SLC4A3: variants seen among roughly 807,000 people sequenced by gnomAD.
SLC4A3 encodes the protein anion exchange protein 3.
A neutral mutation model predicts 114.2 loss-of-function variants in SLC4A3; 47 were observed. The observed-to-expected ratio is 0.41, with a 90% confidence interval of 0.33 to 0.52. SLC4A3 has a LOEUF of 0.52. Ranked by LOEUF, SLC4A3 falls within the 20% of genes least tolerant of loss-of-function variation. The probability of loss-of-function intolerance (pLI) is 0.21; values close to 1 mark genes in which losing one functional copy is unlikely to be tolerated. For synonymous variants in SLC4A3, 693 were observed against 710.3 expected (o/e 0.98, Z 0.39); for missense variants, 1,312 against 1,668.3 (o/e 0.79, Z 3.72).
In SLC4A3 at chr2:219,638,053, G is replaced by C. The variant is rs1237813312; in HGVS notation, c.2767-111G>C. 1 of 888,302 alleles carries C rather than the reference G, an allele frequency of 1.1e-6. No homozygotes were observed. Among genetic ancestry groups the C allele is most frequent in the African/African-American group, 1.7e-5 (1 of 60,556 alleles). The allele number at this position is 888,302 out of a possible 1,614,324, so 55.0% of individuals were successfully genotyped here. On this transcript the variant is annotated intron_variant, in intron 17 of 22. Transcript: ENST00000358055. The surrounding 1 kb of genome is among the most constrained non-coding windows in gnomAD (Gnocchi z 7.5). ...TGTGGGGTTGAGAGGCACGTGGGGG[G>C]CCTTCTGGCTCCAGCTTGGACCCAG...
At position 219,635,298 on chromosome 2, in the gene SLC4A3, G is replaced by C; in HGVS notation, c.1774G>C (p.Asp592His). 6.2e-7 allele frequency: 1 copy of C among 1,614,144 alleles called. No individual in the cohort carries two copies. Among genetic ancestry groups the C allele is most frequent in the South Asian group, 1.1e-5 (1 of 91,080 alleles). Residue 592 changes from aspartate to histidine, a missense_variant, in exon 13 of 23, where the codon GAT (aspartate) becomes CAT (histidine). This residue lies in a region of SLC4A3 where 771 missense variants were observed against 977.7 expected (regional missense o/e 0.79). Transcript: ENST00000358055. The part of the protein sequence containing the change: ...KLFHEAAYQA[D>H]DRQDLLSAIS... ...GTTTCATGAGGCTGCCTACCAGGCA[G>C]ATGACCGGCAAGACCTCCTAAGTGC...
At position 219,640,816 on chromosome 2, in the gene SLC4A3, A is replaced by G; in HGVS notation, c.3475A>G (p.Thr1159Ala). 1 of 1,611,946 alleles carries G rather than the reference A, an allele frequency of 6.2e-7. No individual in the cohort carries two copies. The highest frequency in any genetic ancestry group is 8.5e-7 in the Non-Finnish European group (1 of 1,179,896). ...GAAGACGTGGCGGATGCATCTGTTCACCTGCATCCAGCTGGGCTGCATCGC... is the reference window on the plus strand; with the variant it reads ...GAAGACGTGGCGGATGCATCTGTTCGCCTGCATCCAGCTGGGCTGCATCGC... Reference protein sequence around the residue: ...KVKTWRMHLFTCIQLGCIALL... With the variant: ...KVKTWRMHLFACIQLGCIALL... The change falls in exon 22 of 23, where the codon ACC (threonine) becomes GCC (alanine). Residue 1159 changes from threonine to alanine, a missense_variant. Physicochemically the swap from Thr to Ala is moderately conservative, Grantham distance 58. This residue lies in a region of SLC4A3 where 301 missense variants were observed against 460.7 expected (regional missense o/e 0.65). Coordinates refer to ENST00000358055, the MANE Select transcript of SLC4A3 (RefSeq NM_005070.4).
In SLC4A3 at chr2:219,639,101, G is replaced by A. The variant is rs895687500; in HGVS notation, c.3023+232G>A. On this transcript the variant is annotated intron_variant, in intron 19 of 22. Transcript: ENST00000358055. The surrounding 1 kb of genome is among the most constrained non-coding windows in gnomAD (Gnocchi z 5.9). ...TCCGGGGCAGGGGCATGGTTTCCCC[G>A]TGATGGTTTGACATGACATCTATCT... Among the ~76,000 whole-genome samples the A allele has an allele frequency of 2.0e-5, 3 of 152,118 alleles. No homozygotes were observed. Among genetic ancestry groups the A allele is most frequent in the Non-Finnish European group, 4.4e-5 (3 of 68,022 alleles).
Position 219,627,753 on chromosome 2 carries a change from G to GGGGCGGGGCACGCC in SLC4A3, c.-94+13_-94+26dup, listed in dbSNP as rs1211601461. ...AGGCTCCGGAGCCCCGAGGTACCGC[G>GGGGCGGGGCACGCC]GGGCGGGGCACGCCGGGCAGGGCGG... On this transcript the variant is annotated intron_variant, in intron 1 of 22. Coordinates refer to ENST00000358055, the MANE Select transcript of SLC4A3 (RefSeq NM_005070.4). 3 of 323,320 alleles carry GGGGCGGGGCACGCC rather than the reference G, an allele frequency of 9.3e-6. No individual in the cohort carries two copies. The highest frequency in any genetic ancestry group is 5.6e-6 in the Non-Finnish European group (1 of 178,568). The allele number at this position is 323,320 out of a possible 1,614,324, so 20.0% of individuals were successfully genotyped here.
In SLC4A3 at chr2:219,641,012, G is replaced by A; in HGVS notation, c.3621+50G>A. ...ACAGTGTTAGGGCAAATGGGCACTG[G>A]GTTCCAATCTCTGTTTGGCCACCCA... On this transcript the variant is annotated intron_variant, in intron 22 of 22. Coordinates refer to ENST00000358055, the MANE Select transcript of SLC4A3 (RefSeq NM_005070.4). This position sits in a 1 kb window ranked among gnomAD's most constrained non-coding sequence, Gnocchi z 4.0. 6.5e-7 allele frequency: 1 copy of A among 1,547,726 alleles called. No homozygotes were observed. The highest frequency in any genetic ancestry group is 8.7e-7 in the Non-Finnish European group (1 of 1,143,364).
chr2:219,628,063 G>T lies in SLC4A3; in HGVS notation c.51+20G>T. 6.5e-7 allele frequency: 1 copy of T among 1,541,538 alleles called. No homozygotes were observed. The highest frequency in any genetic ancestry group is 8.7e-7 in the Non-Finnish European group (1 of 1,145,256). ...CCCCAGGTGATCGGCGCGCGCGGGG[G>T]CGGGGGAGAGATGGGGGAGGAGAGG... is the stretch of plus-strand genomic sequence containing the variant. On this transcript the variant is annotated intron_variant, in intron 2 of 22. Coordinates refer to ENST00000358055, the MANE Select transcript of SLC4A3 (RefSeq NM_005070.4). The surrounding 1 kb of genome is among the most constrained non-coding windows in gnomAD (Gnocchi z 4.8).
At chr2:219,632,807 C>T in intron 8 of SLC4A3, 67 bp from the exon 9 acceptor site, 1 of 1,592,800 alleles carries the variant, frequency 6.3e-7, no homozygotes, top group Non-Finnish European at 8.6e-7. Flanking sequence ...GGGGGCAAGG[C>T]AGAGTGGGAG....
chr2:219,628,135 AC>A lies in SLC4A3; in HGVS notation c.51+98del. 1.5e-5 allele frequency: 16 copies of A among 1,074,334 alleles called. No individual in the cohort carries two copies. Among genetic ancestry groups the A allele is most frequent in the Admixed American group, 3.1e-5 (1 of 32,342 alleles). 66.6% of individuals were successfully genotyped at this position (1,074,334 alleles called of 1,614,324 possible). A position where few individuals can be genotyped will look rare whatever the true frequency, so the allele number is the denominator to read the frequency against. On this transcript the variant is annotated intron_variant, in intron 2 of 22. Coordinates refer to ENST00000358055, the MANE Select transcript of SLC4A3 (RefSeq NM_005070.4). The surrounding 1 kb of genome is among the most constrained non-coding windows in gnomAD (Gnocchi z 4.8). ...GAGGAGTCCTCTGGCCGACCCCGGG[AC>A]CCCCCAGATCCAGGGATGAGCTGGG...
Position 219,638,822 on chromosome 2 carries a change from C to T in SLC4A3, c.2976C>T (p.Pro992=), listed in dbSNP as rs371843231. 9.0e-5 allele frequency: 145 copies of T among 1,614,134 alleles called. 2 individuals carry two copies. The highest frequency in any genetic ancestry group is 7.2e-4 in the South Asian group (66 of 91,080). Residue 992 remains proline (P), a synonymous_variant, in exon 19 of 23, where the codon CCC becomes CCT. Transcript: ENST00000358055. The surrounding 1 kb of genome is among the most constrained non-coding windows in gnomAD (Gnocchi z 7.5). ...GGATGATGGTGGCAGCCGCTGTTCC[C>T]GCCCTCCTCGTCCTCATCCTGATCT... ...PPWMMVAAAV[P]ALLVLILIFM...
chr2:219,628,405 G>T lies in SLC4A3; in HGVS notation c.52G>T (p.Val18Phe). Residue 18 changes from valine (V) to phenylalanine (F), a missense_variant and splice_region_variant, in exon 3 of 23, where the codon GTC becomes TTC. This residue lies in a region of SLC4A3 where 236 missense variants were observed against 212.1 expected (regional missense o/e 1.11). Coordinates refer to ENST00000358055, the MANE Select transcript of SLC4A3 (RefSeq NM_005070.4). The surrounding 1 kb of genome is among the most constrained non-coding windows in gnomAD (Gnocchi z 4.8). Reference sequence around the variant, plus strand: ...TAGCAGAGGCCGTCTGGGCCTGCAGGTCCGGGTGCCCTTGGAGGAGCCCCC... The same window carrying T: ...TAGCAGAGGCCGTCTGGGCCTGCAGTTCCGGGTGCCCTTGGAGGAGCCCCC... ...PPGGASPLPQ[V>F]RVPLEEPPLS... 1 of 1,609,590 alleles carries T rather than the reference G, an allele frequency of 6.2e-7. No homozygotes were observed. The highest frequency in any genetic ancestry group is 8.5e-7 in the Non-Finnish European group (1 of 1,178,424).
chr2:219,640,345 G>T, intron 20 of SLC4A3, 85 bp from the exon 21 acceptor site: 1 of 1,485,620 alleles, frequency 6.7e-7, no homozygotes. Context: ...CTGAGGGTCA[G>T]GCAGATCTGT....
Position 219,631,190 on chromosome 2 carries a change from C to A in SLC4A3, c.812-778C>A, listed in dbSNP as rs1480166658. The A allele has an allele frequency of 1.7e-6, 2 of 1,200,588 alleles. No homozygotes were observed. Among genetic ancestry groups the A allele is most frequent in the Non-Finnish European group, 2.1e-6 (2 of 937,604 alleles). The allele number at this position is 1,200,588 out of a possible 1,614,324, so 74.4% of individuals were successfully genotyped here. ...TCCAGGCTCCCACCTTGTAGGAGAG[C>A]CGAGGGGTCTGGTAGGGAGCGGAGG... On this transcript the variant is annotated intron_variant, in intron 6 of 22. Coordinates refer to ENST00000358055, the MANE Select transcript of SLC4A3 (RefSeq NM_005070.4). This position sits in a 1 kb window ranked among gnomAD's most constrained non-coding sequence, Gnocchi z 6.3.
rs1217861148 is a variant in SLC4A3 at position 219,628,736 on chromosome 2, C to G, written c.217+166C>G. On this transcript the variant is annotated intron_variant, in intron 3 of 22. Coordinates refer to ENST00000358055, the MANE Select transcript of SLC4A3 (RefSeq NM_005070.4). This position sits in a 1 kb window ranked among gnomAD's most constrained non-coding sequence, Gnocchi z 4.8. ...GCCGTGTTCAGTCATCCTGCCTCCCCCACCCATCGCCTGTCCGCCTGCCTG... is the reference window on the plus strand; with the variant it reads ...GCCGTGTTCAGTCATCCTGCCTCCCGCACCCATCGCCTGTCCGCCTGCCTG... The G allele has an allele frequency of 2.7e-6, 2 of 744,236 alleles. No individual in the cohort carries two copies. The highest frequency in any genetic ancestry group is 4.3e-6 in the Non-Finnish European group (2 of 467,110). The allele number at this position is 744,236 out of a possible 1,614,324, so 46.1% of individuals were successfully genotyped here.
chr2:219,630,802 G>C lies in SLC4A3; in HGVS notation c.811+450G>C, dbSNP rs1294851755. Among the ~76,000 whole-genome samples the C allele has an allele frequency of 6.6e-6, 1 of 152,018 alleles. No homozygotes were observed. Among genetic ancestry groups the C allele is most frequent in the Non-Finnish European group, 1.5e-5 (1 of 68,006 alleles). Reference sequence around the variant, plus strand: ...TTGGGGGGGGCCTGGCTGTGATCTCGGCACATTCCTTCCATCTTATCAGTG... The same window carrying C: ...TTGGGGGGGGCCTGGCTGTGATCTCCGCACATTCCTTCCATCTTATCAGTG... On this transcript the variant is annotated intron_variant, in intron 6 of 22. Coordinates refer to ENST00000358055, the MANE Select transcript of SLC4A3 (RefSeq NM_005070.4). The surrounding 1 kb of genome is among the most constrained non-coding windows in gnomAD (Gnocchi z 6.9).
Position 219,638,284 on chromosome 2 carries a change from GTCAC to G in SLC4A3, c.2856+32_2856+35del. 6.6e-7 allele frequency: 1 copy of G among 1,520,620 alleles called. No homozygotes were observed. The allele number at this position is 1,520,620 out of a possible 1,614,324, so 94.2% of individuals were successfully genotyped here. ...GGAGCCCCAGCCTGTGGCAGCTGCT[GTCAC>G]CCCCAGGCCAGGAGAGGGAGCCCAC... On this transcript the variant is annotated intron_variant, in intron 18 of 22. Transcript: ENST00000358055. The surrounding 1 kb of genome is among the most constrained non-coding windows in gnomAD (Gnocchi z 7.5).
At chr2:219,634,142 C>G (rs1274875121) in intron 11 of SLC4A3, among the ~76,000 whole-genome samples, 163 bp downstream of exon 11, 1 of 152,226 alleles carries the variant, frequency 6.6e-6, no homozygotes, top group Non-Finnish European at 1.5e-5. Flanking sequence ...CCAGCCCTTT[C>G]TTTCGTAGTC....
At chr2:219,635,964 C>G (rs1160496487) in intron 14 of SLC4A3, 73 bp downstream of exon 14, 1 of 1,244,526 alleles carries the variant, frequency 8.0e-7, no homozygotes, top group East Asian at 2.6e-5. Context: ...TTGCAGGATT[C>G]TGGGTCTGGG....
At position 219,630,207 on chromosome 2, in the gene SLC4A3, C is replaced by A; in HGVS notation, c.666C>A (p.Pro222=). ...GACTCGCTGGGGAGAAAAGCCGGCCCTGGAGCCCATCGGCCAGTTATGACC... is the reference window on the plus strand; with the variant it reads ...GACTCGCTGGGGAGAAAAGCCGGCCATGGAGCCCATCGGCCAGTTATGACC... ...ASRLAGEKSR[P]WSPSASYDLR... The change falls in exon 6 of 23, where the codon CCC becomes CCA. Residue 222 remains proline, a synonymous_variant. Coordinates refer to ENST00000358055, the MANE Select transcript of SLC4A3 (RefSeq NM_005070.4). This position sits in a 1 kb window ranked among gnomAD's most constrained non-coding sequence, Gnocchi z 6.9. 1 of 1,608,376 alleles carries A rather than the reference C, an allele frequency of 6.2e-7. No individual in the cohort carries two copies. The highest frequency in any genetic ancestry group is 8.5e-7 in the Non-Finnish European group (1 of 1,175,792).
chr2:219,635,438 G>T lies in SLC4A3; in HGVS notation c.1914G>T (p.Glu638Asp). The change falls in exon 13 of 23, where the codon GAG (glutamate) becomes GAT (aspartate). Residue 638 changes from glutamate to aspartate, a missense_variant. Glu to Asp is a conservative substitution (Grantham distance 45). Transcript: ENST00000358055. ...GAGAGCTGCTTAGGAAGCGGCGAGA[G>T]CGTGAACAGACCAAAGTCGAGATGA... is the stretch of plus-strand genomic sequence containing the variant. ...FQRELLRKRR[E>D]REQTKVEMTT... The T allele has an allele frequency of 6.2e-7, 1 of 1,614,108 alleles. No individual in the cohort carries two copies. Among genetic ancestry groups the T allele is most frequent in the Non-Finnish European group, 8.5e-7 (1 of 1,179,990 alleles).
Sources: gnomAD v4.1 joint callset for allele counts (sites outside exome capture counted in the v4.1 genomes callset) on GRCh38, gnomAD v4.1.1 for gene constraint, gnomAD v4.1.1 regional missense constraint, Gnocchi (gnomAD v3.1) non-coding constraint, MANE v1.5 for transcripts, NCBI Gene and HGNC (gene_info 2026-07-23, HGNC 2026-07-21) for gene names.